PDCD1LG2: variants seen among roughly 807,000 people sequenced by gnomAD.
PDCD1LG2 encodes the protein programmed cell death 1 ligand 2.
PDCD1LG2 carries 32 observed loss-of-function variants against 28.2 expected under a neutral mutation model. The ratio of observed to expected loss-of-function variants is 1.13; its 90% CI spans 0.86 to 1.52. The LOEUF is 1.52. Among genes scored for constraint, PDCD1LG2 ranks in the 40% most tolerant of loss-of-function variants. The pLI is 0.00. For synonymous variants in PDCD1LG2, 116 were observed against 120.2 expected, an observed-to-expected ratio of 0.97 and a Z score of 0.23; for missense variants, 385 against 323.8, an observed-to-expected ratio of 1.19 and a Z score of -1.45.
intron 1 of PDCD1LG2, among the ~76,000 whole-genome samples, chr9:5,516,866 G>T (rs191051299): frequency 3.9e-5 from 6 of 152,332 alleles, no homozygotes; most frequent in Admixed American, 3.9e-4. Context: ...AACCTTGTGG[G>T]AGCAGGGGAC....
intron 3 of PDCD1LG2, among the ~76,000 whole-genome samples, chr9:5,539,781 G>T (rs1465422442): frequency 2.6e-5 from 4 of 152,198 alleles, no homozygotes; most frequent in Admixed American, 2.6e-4. Context: ...CATCCTGAAG[G>T]CCTGGGCAGG....
chr9:5,568,922 G>C (rs1816718504), intron 6 of PDCD1LG2, among the ~76,000 whole-genome samples: 1 of 152,132 alleles, frequency 6.6e-6, no homozygotes, highest in South Asian at 2.1e-4. Flanking sequence ...GGGATAATCA[G>C]GGAAGAAGAA....
At chr9:5,548,976 T>C (rs1286831228) in intron 3 of PDCD1LG2, among the ~76,000 whole-genome samples, 1 of 152,164 alleles carries the variant, frequency 6.6e-6, no homozygotes, top group African/African-American at 2.4e-5. Flanking sequence ...AAGCCACAAA[T>C]TGTGGTAGCT....
At chr9:5,511,682 G>A (rs1820062061) in intron 1 of PDCD1LG2, among the ~76,000 whole-genome samples, 1 of 152,202 alleles carries the variant, frequency 6.6e-6, no homozygotes, top group African/African-American at 2.4e-5. Context: ...TCCTTTCCAA[G>A]CCTAAGATTC....
chr9:5,552,291 C>T (rs1816350513), intron 4 of PDCD1LG2, among the ~76,000 whole-genome samples: 1 of 152,166 alleles, frequency 6.6e-6, no homozygotes, highest in African/African-American at 2.4e-5. Flanking sequence ...TCTTTGCTCA[C>T]TGGTCTGCCA....
At chr9:5,511,202 G>T (rs1275588366) in intron 1 of PDCD1LG2, among the ~76,000 whole-genome samples, 3 of 152,144 alleles carry the variant, frequency 2.0e-5, no homozygotes, top group African/African-American at 4.8e-5. Context: ...ATCCCTCCAG[G>T]CTGGCCTTTG....
intron 6 of PDCD1LG2, among the ~76,000 whole-genome samples, chr9:5,567,136 C>T (rs1816682032): frequency 6.6e-6 from 1 of 152,176 alleles, no homozygotes; most frequent in Non-Finnish European, 1.5e-5. Flanking sequence ...TAACCAAATA[C>T]ATTATATAGG....
intron 3 of PDCD1LG2, among the ~76,000 whole-genome samples, chr9:5,546,320 G>T (rs1384763827): frequency 6.6e-6 from 1 of 152,204 alleles, no homozygotes; most frequent in South Asian, 2.1e-4. Context: ...TCCTGTTCTT[G>T]TTCTACTTCA....
At chr9:5,536,128 G>A (rs1316216347) in intron 3 of PDCD1LG2, among the ~76,000 whole-genome samples, 1 of 152,210 alleles carries the variant, frequency 6.6e-6, no homozygotes, top group Admixed American at 6.5e-5. Context: ...GGACAAACTA[G>A]AGGGACTGGA....
intron 6 of PDCD1LG2, among the ~76,000 whole-genome samples, chr9:5,566,806 G>A (rs1354850732): frequency 1.3e-5 from 2 of 151,742 alleles, no homozygotes; most frequent in Non-Finnish European, 2.9e-5. Flanking sequence ...TAATAATGTG[G>A]GGAAATACTT....
intron 5 of PDCD1LG2, among the ~76,000 whole-genome samples, chr9:5,561,418 G>A (rs751879815): frequency 1.3e-5 from 2 of 152,186 alleles, no homozygotes; most frequent in Non-Finnish European, 2.9e-5. Context: ...GCTCAGAAAA[G>A]TTATATGACT....
intron 2 of PDCD1LG2, among the ~76,000 whole-genome samples, chr9:5,527,142 T>C (rs1416444687): frequency 6.6e-6 from 1 of 152,256 alleles, no homozygotes; most frequent in Non-Finnish European, 1.5e-5. Context: ...TTAAAGGATA[T>C]ATACATGGAT....
chr9:5,568,354 A>G (rs1425845513), intron 6 of PDCD1LG2, among the ~76,000 whole-genome samples: 3 of 152,214 alleles, frequency 2.0e-5, no homozygotes, highest in Non-Finnish European at 2.9e-5. Context: ...CTGTGAGATC[A>G]GCAGCAGCAT....
intron 1 of PDCD1LG2, among the ~76,000 whole-genome samples, chr9:5,517,455 C>T (rs894629768): frequency 7.2e-5 from 11 of 152,120 alleles, no homozygotes; most frequent in African/African-American, 1.4e-4. Context: ...ACCTTACTCT[C>T]GGGGAGAAGG....
At chr9:5,533,915 C>T (rs1820530877) in intron 2 of PDCD1LG2, among the ~76,000 whole-genome samples, 1 of 150,316 alleles carries the variant, frequency 6.7e-6, no homozygotes, top group Non-Finnish European at 1.5e-5. Flanking sequence ...CAGTGCCTGG[C>T]ATAGAACATA....
chr9:5,544,484 A>AGTGTTCCTGTCTTGCTTCCTATTGGCT (rs1820753932), intron 3 of PDCD1LG2, among the ~76,000 whole-genome samples: 1 of 152,150 alleles, frequency 6.6e-6, no homozygotes, highest in Non-Finnish European at 1.5e-5. Flanking sequence ...TCCACCCTCT[A>AGTGTTCCTGTCTTGCTTCCTATTGGCT]GTGTTCCTGT....
chr9:5,515,709 G>A (rs974665292), intron 1 of PDCD1LG2, among the ~76,000 whole-genome samples: 3 of 151,966 alleles, frequency 2.0e-5, no homozygotes, highest in African/African-American at 4.8e-5. Flanking sequence ...TGGATCACGA[G>A]GTCAGAGTTC....
intron 5 of PDCD1LG2, among the ~76,000 whole-genome samples, chr9:5,557,987 G>A (rs764883732): frequency 1.3e-5 from 2 of 152,192 alleles, no homozygotes; most frequent in Non-Finnish European, 2.9e-5. Flanking sequence ...TCTTATGTCT[G>A]AAAGAGTTTG....
At position 5,531,079 on chromosome 9, in the gene PDCD1LG2, A is replaced by T. The variant is rs189773416; in HGVS notation, c.56-3666A>T. ...GAAAAGAAAATCTTTAATGATGCTG[A>T]CCTCATCTCCAAAATAATGTAATTT... On this transcript the variant is annotated intron_variant, in intron 2 of 6. Coordinates refer to ENST00000397747, the MANE Select transcript of PDCD1LG2 (RefSeq NM_025239.4). Among the ~76,000 whole-genome samples the T allele has an allele frequency of 3.0e-3, 453 of 152,334 alleles. 3 individuals carry two copies. The highest frequency in any genetic ancestry group is 6.0e-3 in the South Asian group (29 of 4,830).
Sources: gnomAD v4.1 joint callset for allele counts (sites outside exome capture counted in the v4.1 genomes callset) on GRCh38, gnomAD v4.1.1 for gene constraint, MANE v1.5 for transcripts, NCBI Gene and HGNC (gene_info 2026-07-23, HGNC 2026-07-21) for gene names.